The following HDAC9 variants were observed in gnomAD, a reference collection of about 807,000 sequenced individuals.
The protein encoded by HDAC9 is histone deacetylase 9.
HDAC9 carries 41 observed loss-of-function variants against 139.4 expected under a neutral mutation model. The observed-to-expected ratio is 0.29, with a 90% CI of 0.23 to 0.38. The LOEUF (loss-of-function observed/expected upper bound fraction) is 0.38, where lower values mean the gene tolerates loss of function less well. HDAC9 is among the 10% of genes least tolerant of loss of function. HDAC9 has a pLI of 1.00. For synonymous variants in HDAC9, 517 were observed against 476.2 expected (o/e 1.09, Z -1.12); for missense variants, 1,147 against 1,297.0 (o/e 0.88, Z 1.78).
In HDAC9 at chr7:18,438,287, C is replaced by T. The variant is rs141769203; in HGVS notation, c.-41-57975C>T. On this transcript the variant is annotated intron_variant, in intron 1 of 3. Coordinates refer to the HDAC9 transcript ENST00000413509. ...AGTTAATATGAGATACCTTTATTCA[C>T]TCTGAGGATTGATAAAAAATCTAAA... Among the ~76,000 whole-genome samples the T allele has an allele frequency of 1.1e-4, 17 of 152,030 alleles. No individual in the cohort carries two copies. In the East Asian group the frequency reaches 3.3e-3, roughly 29 times the overall value.
intron 21 of HDAC9, among the ~76,000 whole-genome samples, chr7:18,872,731 C>T (rs1026515493): frequency 6.6e-6 from 1 of 151,950 alleles, no homozygotes; most frequent in Non-Finnish European, 1.5e-5. Flanking sequence ...AAGTATGCAC[C>T]TATATTTAAT....
At chr7:18,406,750 G>A (rs1236130035) in intron 1 of HDAC9, among the ~76,000 whole-genome samples, 2 of 152,040 alleles carry the variant, frequency 1.3e-5, no homozygotes, top group African/African-American at 4.8e-5. Context: ...TTTTGGTCTA[G>A]TAACTACACC....
intron 22 of HDAC9, among the ~76,000 whole-genome samples, chr7:18,905,246 C>T (rs984102646): frequency 1.3e-5 from 2 of 152,226 alleles, no homozygotes; most frequent in African/African-American, 2.4e-5. Context: ...CCTCTTGTTG[C>T]TCACTTCTTT....
chr7:18,358,849 C>T (rs1039319741), intron 1 of HDAC9, among the ~76,000 whole-genome samples: 1 of 152,286 alleles, frequency 6.6e-6, no homozygotes, highest in South Asian at 2.1e-4. Context: ...GGTATAATAA[C>T]CACGTTAGAA....
chr7:18,120,880 G>C (rs1026012716), intron 1 of HDAC9, among the ~76,000 whole-genome samples: 2 of 152,196 alleles, frequency 1.3e-5, no homozygotes, highest in Admixed American at 6.5e-5. Context: ...GCTGGTTGTT[G>C]AGAAATCGAA....
chr7:18,371,808 T>C (rs191214422), intron 1 of HDAC9, among the ~76,000 whole-genome samples: 1 of 152,302 alleles, frequency 6.6e-6, no homozygotes, highest in Non-Finnish European at 1.5e-5. Context: ...CAAGAAAATG[T>C]ATAATGGTTC....
intron 1 of HDAC9, among the ~76,000 whole-genome samples, chr7:18,449,652 C>A (rs563199652): frequency 6.6e-6 from 1 of 152,250 alleles, no homozygotes; most frequent in East Asian, 1.9e-4. Flanking sequence ...AGTTTCCCCA[C>A]CATGGCTCTT....
intron 2 of HDAC9, among the ~76,000 whole-genome samples, chr7:18,249,398 G>C (rs1794770348): frequency 6.6e-6 from 1 of 150,774 alleles, no homozygotes; most frequent in Admixed American, 6.7e-5. Flanking sequence ...AGCTAGTCGG[G>C]AGGCTGAGGT....
chr7:18,624,343 A>C (rs1841061060), intron 6 of HDAC9, among the ~76,000 whole-genome samples: 1 of 152,168 alleles, frequency 6.6e-6, no homozygotes, highest in Non-Finnish European at 1.5e-5. Context: ...TTAGGTGAGA[A>C]GAGAAAAAGG....
intron 2 of HDAC9, among the ~76,000 whole-genome samples, chr7:18,576,534 C>T (rs1825990752): frequency 6.6e-6 from 1 of 151,782 alleles, no homozygotes; most frequent in Non-Finnish European, 1.5e-5. Context: ...TGCTGGTGCA[C>T]ACCTGTAGTC....
chr7:18,096,883 TTGTGTGTGTGTGTGTGTGTGTGTG>T (rs59590063), intron 1 of HDAC9, among the ~76,000 whole-genome samples: 25 of 145,330 alleles, frequency 1.7e-4, no homozygotes, highest in African/African-American at 6.3e-4. Context: ...CTTGTTGGCT[TTGTGTGTGTGTGTGTGTGTGTGTG>T]TGTGTGTGTG....
In HDAC9 at chr7:18,634,684, C is replaced by A. The variant is rs773082637; in HGVS notation, c.854C>A (p.Pro285Gln). The change falls in exon 8 of 26, where the codon CCA (proline) becomes CAA (glutamine). Residue 285 changes from proline to glutamine, a missense_variant. Transcript: ENST00000686413. The stretch of plus-strand genomic sequence containing the variant: ...GGTCCCAGTTCACCAAACAATGGGC[C>A]AACTGGAAGTGTTACTGAAAATGAG... Reference protein sequence around the residue: ...GSGPSSPNNGPTGSVTENETS... With the variant: ...GSGPSSPNNGQTGSVTENETS... The A allele has an allele frequency of 2.1e-5, 34 of 1,598,910 alleles. No individual in the cohort carries two copies. The highest frequency in any genetic ancestry group is 2.6e-5 in the Non-Finnish European group (31 of 1,171,972).
intron 1 of HDAC9, among the ~76,000 whole-genome samples, chr7:18,433,512 C>G (rs958636277): frequency 6.6e-6 from 1 of 152,030 alleles, no homozygotes; most frequent in Non-Finnish European, 1.5e-5. Flanking sequence ...AGTCTCTGCT[C>G]AAAAGCTATA....
intron 1 of HDAC9, among the ~76,000 whole-genome samples, chr7:18,352,204 C>A (rs925169882): frequency 6.6e-6 from 1 of 152,094 alleles, no homozygotes; most frequent in African/African-American, 2.4e-5. Flanking sequence ...TCTGTTTAAT[C>A]TGATTTTTCT....
intron 8 of HDAC9, among the ~76,000 whole-genome samples, chr7:18,642,691 A>T (rs1244582439): frequency 6.6e-6 from 1 of 152,056 alleles, no homozygotes; most frequent in Admixed American, 6.6e-5. Context: ...CCAGAGTAAG[A>T]CTGTCCCCAA....
chr7:18,136,282 T>G (rs1785412043), intron 1 of HDAC9, among the ~76,000 whole-genome samples: 1 of 151,896 alleles, frequency 6.6e-6, no homozygotes. Context: ...TAGTTTCTTC[T>G]GCTGTGCAGA....
intron 23 of HDAC9, among the ~76,000 whole-genome samples, chr7:18,947,100 G>T (rs903471356): frequency 3.3e-5 from 5 of 151,930 alleles, no homozygotes; most frequent in Non-Finnish European, 7.4e-5. Context: ...AATATAACAT[G>T]TGAAAACTTG....
chr7:18,472,601 G>C (rs569844966), intron 1 of HDAC9, among the ~76,000 whole-genome samples: 1 of 152,144 alleles, frequency 6.6e-6, no homozygotes. Flanking sequence ...TTCCCTCTGC[G>C]TGAAGCGGGC....
chr7:18,942,965 TGA>T (rs1318518699), intron 23 of HDAC9, among the ~76,000 whole-genome samples: 4 of 151,688 alleles, frequency 2.6e-5, no homozygotes, highest in Non-Finnish European at 5.9e-5. Context: ...AAGAAAATAT[TGA>T]AAAATATAAA....
Sources: gnomAD v4.1 joint callset for allele counts (sites outside exome capture counted in the v4.1 genomes callset) on GRCh38, gnomAD v4.1.1 for gene constraint, MANE v1.5 for transcripts, NCBI Gene and HGNC (gene_info 2026-07-23, HGNC 2026-07-21) for gene names.